The following CFAP77 variants were observed in gnomAD, a reference collection of about 807,000 sequenced individuals.
CFAP77 encodes cilia- and flagella-associated protein 77.
CFAP77 carries 25 observed loss-of-function variants against 31.1 expected under a neutral mutation model. The observed-to-expected ratio is 0.80, with a 90% confidence interval of 0.59 to 1.12. The LOEUF is 1.12. Among genes scored for constraint, CFAP77 ranks in the 50% most tolerant of loss-of-function variants. The pLI is 0.00. For missense variants in CFAP77, 377 were observed against 397.3 expected (o/e 0.95, Z 0.44); for synonymous variants, 151 against 159.9 (o/e 0.94, Z 0.42).
At chr9:132,441,501 G>A (rs559234474) in intron 1 of CFAP77, among the ~76,000 whole-genome samples, 1 of 152,224 alleles carries the variant, frequency 6.6e-6, no homozygotes, top group Admixed American at 6.5e-5. Context: ...TATTTCTTTT[G>A]AGGGCCACAG....
intron 4 of CFAP77, among the ~76,000 whole-genome samples, chr9:132,542,737 C>A (rs966053747): frequency 6.6e-6 from 1 of 152,146 alleles, no homozygotes; most frequent in Non-Finnish European, 1.5e-5. Flanking sequence ...CCCACCCCCC[C>A]TCCCCCAGTC....
At chr9:132,429,089 A>G (rs1263431019) in intron 1 of CFAP77, among the ~76,000 whole-genome samples, 1 of 151,368 alleles carries the variant, frequency 6.6e-6, no homozygotes, top group Non-Finnish European at 1.5e-5. Flanking sequence ...GTTGGGTATT[A>G]TATTTTTATT....
chr9:132,508,796 G>A (rs940973487), intron 3 of CFAP77, among the ~76,000 whole-genome samples: 2 of 152,160 alleles, frequency 1.3e-5, no homozygotes, highest in East Asian at 3.8e-4. Flanking sequence ...CTACCAAGTA[G>A]AGACTATCAT....
At chr9:132,443,765 T>C (rs896668861) in intron 1 of CFAP77, among the ~76,000 whole-genome samples, 4 of 152,174 alleles carry the variant, frequency 2.6e-5, no homozygotes, top group African/African-American at 7.2e-5. Flanking sequence ...AAGGCTAAAA[T>C]TGGAGCATGA....
intron 1 of CFAP77, among the ~76,000 whole-genome samples, chr9:132,446,135 G>C (rs927346958): frequency 4.6e-5 from 7 of 152,016 alleles, no homozygotes; most frequent in African/African-American, 1.4e-4. Context: ...TCAGGATCTA[G>C]GTTTGCTCAC....
chr9:132,474,482 T>G (rs1851314006), intron 1 of CFAP77, among the ~76,000 whole-genome samples: 1 of 152,196 alleles, frequency 6.6e-6, no homozygotes, highest in Non-Finnish European at 1.5e-5. Flanking sequence ...TAGTTCACAT[T>G]GCTCAAGTAT....
At chr9:132,465,229 C>T (rs531416977) in intron 1 of CFAP77, among the ~76,000 whole-genome samples, 2 of 152,194 alleles carry the variant, frequency 1.3e-5, no homozygotes, top group East Asian at 1.9e-4. Context: ...GCTTAATTCT[C>T]CAGCTTTTGG....
Position 132,501,319 on chromosome 9 carries a change from A to G in CFAP77, c.524+1719A>G, listed in dbSNP as rs1851835229. ...GCAGTTCTATTCTGTTTTTCTCTAA[A>G]CAGCCCAGTGCAAAGGGCGTTGGTG... is the stretch of plus-strand genomic sequence containing the variant. On this transcript the variant is annotated intron_variant, in intron 3 of 5. Transcript: ENST00000393216. This position sits in a 1 kb window ranked among gnomAD's most constrained non-coding sequence, Gnocchi z 4.6. Among the ~76,000 whole-genome samples, 1 of 152,028 alleles carries G rather than the reference A, an allele frequency of 6.6e-6. No homozygotes were observed. Among genetic ancestry groups the G allele is most frequent in the East Asian group, 1.9e-4 (1 of 5,176 alleles).
In CFAP77 at chr9:132,529,687, G is replaced by A. The variant is rs189361327; in HGVS notation, c.525-7914G>A. 1.9e-4 allele frequency among the ~76,000 whole-genome samples: 29 copies of A among 151,710 alleles called. 1 individual carries two copies. The highest frequency in any genetic ancestry group is 6.8e-3 in the Middle Eastern group (2 of 294). On this transcript the variant is annotated intron_variant, in intron 3 of 5. Transcript: ENST00000393216. ...TAAAAATGCAAAATATTAGCTGGGCGTGGTGGCAGGCACCTGTAATCCCAG... is the reference window on the plus strand; with the variant it reads ...TAAAAATGCAAAATATTAGCTGGGCATGGTGGCAGGCACCTGTAATCCCAG...
In CFAP77 at chr9:132,411,323, TCAA is replaced by T. The variant is rs566606296; in HGVS notation, c.195+864_195+866del. Among the ~76,000 whole-genome samples the T allele has an allele frequency of 6.6e-4, 101 of 152,362 alleles. 1 individual carries two copies. The highest frequency in any genetic ancestry group is 1.1e-3 in the Non-Finnish European group (74 of 68,030). On this transcript the variant is annotated intron_variant, in intron 1 of 5. Coordinates refer to ENST00000393216, the MANE Select transcript of CFAP77 (RefSeq NM_001282957.2). Reference sequence around the variant, plus strand: ...GAAGGCGCAGGTGGTAACCGTGGATTCAACAACAATTATTTGTGTGACCGCCAG... The same window carrying T: ...GAAGGCGCAGGTGGTAACCGTGGATTCAACAATTATTTGTGTGACCGCCAG...
At chr9:132,504,676 A>G (rs1420043317) in intron 3 of CFAP77, among the ~76,000 whole-genome samples, 3 of 152,212 alleles carry the variant, frequency 2.0e-5, no homozygotes, top group African/African-American at 4.8e-5. Context: ...TATGGAGCAG[A>G]AATATCCCCC....
intron 1 of CFAP77, among the ~76,000 whole-genome samples, chr9:132,426,189 A>T (rs1274094996): frequency 6.6e-6 from 1 of 152,208 alleles, no homozygotes. Context: ...TTGTGTCAGG[A>T]GAAAGGATTT....
At chr9:132,411,023 T>C (rs1564194805) in intron 1 of CFAP77, among the ~76,000 whole-genome samples, 2 of 152,246 alleles carry the variant, frequency 1.3e-5, no homozygotes, top group African/African-American at 4.8e-5. Context: ...GCATAATCTT[T>C]GGCCTAGGAG....
chr9:132,434,764 G>T (rs1813029539), intron 1 of CFAP77, among the ~76,000 whole-genome samples: 1 of 152,168 alleles, frequency 6.6e-6, no homozygotes, highest in African/African-American at 2.4e-5. Context: ...ACCTGTAGGG[G>T]GGCAGAGGGA....
At chr9:132,508,457 A>AG (rs1851975735) in intron 3 of CFAP77, among the ~76,000 whole-genome samples, 1 of 152,018 alleles carries the variant, frequency 6.6e-6, no homozygotes, top group Non-Finnish European at 1.5e-5. Flanking sequence ...TGGGCGGGAG[A>AG]GGGGGAGGGT....
rs377130212 is a variant in CFAP77 at position 132,426,884 on chromosome 9, G to C, written c.195+16418G>C. ...GAGCAGCCTGCATTACAGCAGTCAA[G>C]CTACTATTAATTGGTTTCTTCCTCA... is the stretch of plus-strand genomic sequence containing the variant. On this transcript the variant is annotated intron_variant, in intron 1 of 5. Coordinates refer to ENST00000393216, the MANE Select transcript of CFAP77 (RefSeq NM_001282957.2). 1.9e-4 allele frequency among the ~76,000 whole-genome samples: 29 copies of C among 152,328 alleles called. No individual in the cohort carries two copies. In the East Asian group the frequency reaches 4.8e-3, roughly 25 times the overall value.
In CFAP77 at chr9:132,480,910, T is replaced by C. The variant is rs796713551; in HGVS notation, c.196-17785T>C. Among the ~76,000 whole-genome samples, 1 of 152,248 alleles carries C rather than the reference T, an allele frequency of 6.6e-6. No homozygotes were observed. Among genetic ancestry groups the C allele is most frequent in the South Asian group, 2.1e-4 (1 of 4,820 alleles). ...GCTAGGAGCAGAGGTGCCCCCATTGTGGTCCGGGGGCCCCTGTTATCAAAA... is the reference window on the plus strand; with the variant it reads ...GCTAGGAGCAGAGGTGCCCCCATTGCGGTCCGGGGGCCCCTGTTATCAAAA... On this transcript the variant is annotated intron_variant, in intron 1 of 5. Transcript: ENST00000393216. This position sits in a 1 kb window ranked among gnomAD's most constrained non-coding sequence, Gnocchi z 5.8.
At chr9:132,486,390 C>T (rs1851559816) in intron 1 of CFAP77, among the ~76,000 whole-genome samples, 2 of 152,020 alleles carry the variant, frequency 1.3e-5, no homozygotes, top group African/African-American at 4.8e-5. Context: ...CCGCGCCCGG[C>T]CCACACACCT....
intron 1 of CFAP77, among the ~76,000 whole-genome samples, chr9:132,475,168 G>A (rs1168222695): frequency 3.9e-5 from 6 of 152,200 alleles, no homozygotes; most frequent in East Asian, 3.9e-4. Flanking sequence ...GTCTTCCAGC[G>A]AGAAGAAACT....
Sources: allele counts gnomAD v4.1 joint callset (sites outside exome capture counted in the v4.1 genomes callset), GRCh38; gene constraint gnomAD v4.1.1; non-coding constraint Gnocchi (gnomAD v3.1); transcripts MANE v1.5; gene names NCBI Gene and HGNC (gene_info 2026-07-23, HGNC 2026-07-21).